Variants in CTBP2 observed in about 807,000 individuals in gnomAD.
The protein encoded by CTBP2 is C-terminal binding protein 2, also known as C-terminal-binding protein 2.
A neutral mutation model predicts 80.3 loss-of-function variants in CTBP2; 30 were observed. The observed-to-expected ratio is 0.37, with a 90% CI of 0.28 to 0.51. The LOEUF (loss-of-function observed/expected upper bound fraction) is 0.51. Among genes scored for constraint, CTBP2 ranks in the 20% least tolerant of loss-of-function variants. The pLI is 0.93. For missense variants in CTBP2, 1,212 were observed against 1,375.3 expected, an observed-to-expected ratio of 0.88 and a Z score of 1.88; for synonymous variants, 594 against 587.4, an observed-to-expected ratio of 1.01 and a Z score of -0.16.
At chr10:124,996,190 G>A (rs1007526324) in intron 4 of CTBP2, 9 of 149,692 alleles carry the variant, frequency 6.0e-5, no homozygotes, top group African/African-American at 2.0e-4. Flanking sequence ...CCGTCACAGC[G>A]CCCCCCCCGG....
At chr10:125,074,512 A>G in intron 2 of CTBP2, among the ~76,000 whole-genome samples, 1 of 152,002 alleles carries the variant, frequency 6.6e-6, no homozygotes, top group East Asian at 1.9e-4. Context: ...CCGCCATCAC[A>G]CCCAGCAATT....
At chr10:125,140,906 G>A (rs1003454322) in intron 1 of CTBP2, among the ~76,000 whole-genome samples, 5 of 151,630 alleles carry the variant, frequency 3.3e-5, no homozygotes, top group Admixed American at 2.6e-4. Flanking sequence ...TTGGGAGGCC[G>A]AGACAGGCAG....
intron 3 of CTBP2, among the ~76,000 whole-genome samples, chr10:125,037,080 T>C (rs1005260956): frequency 5.3e-5 from 8 of 152,238 alleles, no homozygotes; most frequent in Non-Finnish European, 1.2e-4. Context: ...AATATATAAC[T>C]GCAAATGTAT....
chr10:125,036,595 C>CT (rs923183815), intron 3 of CTBP2, among the ~76,000 whole-genome samples: 1 of 151,994 alleles, frequency 6.6e-6, no homozygotes, highest in Non-Finnish European at 1.5e-5. Context: ...GACAGGCTCT[C>CT]TGCATATCAA....
chr10:125,016,385 C>G lies in CTBP2; in HGVS notation c.1678+9697G>C, dbSNP rs1183820591. On this transcript the variant is annotated intron_variant, in intron 1 of 8. Transcript: ENST00000309035. Reference sequence around the variant, plus strand: ...GGCCGCCCTGGCTGCTGGCTTGTCCCTTGGAATCAGATGGACCAATTCCAC... The same window carrying G: ...GGCCGCCCTGGCTGCTGGCTTGTCCGTTGGAATCAGATGGACCAATTCCAC... Among the ~76,000 whole-genome samples, 3 of 152,248 alleles carry G rather than the reference C, an allele frequency of 2.0e-5. No individual in the cohort carries two copies. The East Asian group carries it at 5.8e-4, about 29-fold the overall frequency.
rs1463977029 is a variant in CTBP2, at chr10:124,998,023, C to T, written c.2126G>A (p.Arg709His). 1 of 1,613,324 alleles carries T rather than the reference C, an allele frequency of 6.2e-7. No individual in the cohort carries two copies. The highest frequency in any genetic ancestry group is 8.5e-7 in the Non-Finnish European group (1 of 1,180,006). The change falls in exon 4 of 9, where the codon CGC (arginine) becomes CAC (histidine). Residue 709 changes from arginine to histidine, a missense_variant. Physicochemically the swap from Arg to His is conservative, Grantham distance 29. Coordinates refer to ENST00000309035, the MANE Select transcript of CTBP2 (RefSeq NM_022802.3). Reference sequence around the variant, plus strand: ...GCGGGCCGCTCCCGAGGCCACCTCGCGGATCTGCTCCACGCTCTGAACCCG... The same window carrying T: ...GCGGGCCGCTCCCGAGGCCACCTCGTGGATCTGCTCCACGCTCTGAACCCG...
intron 1 of CTBP2, among the ~76,000 whole-genome samples, chr10:125,113,348 C>T (rs898248460): frequency 1.3e-5 from 2 of 152,250 alleles, no homozygotes; most frequent in Non-Finnish European, 2.9e-5. Context: ...CTCTAGCTGG[C>T]AGGCTACTAT....
At chr10:125,088,219 T>G (rs952298546) in intron 2 of CTBP2, 1 of 152,200 alleles carries the variant, frequency 6.6e-6, no homozygotes, top group Non-Finnish European at 1.5e-5. Context: ...TACGATGTCA[T>G]TCAAGAAGCT....
intron 3 of CTBP2, among the ~76,000 whole-genome samples, chr10:125,037,067 TAAAATATATA>T (rs1303750612): frequency 6.6e-6 from 1 of 152,200 alleles, no homozygotes; most frequent in Non-Finnish European, 1.5e-5. Context: ...TTGAGAAATT[TAAAATATATA>T]ACTGCAAATG....
chr10:124,992,369 A>T (rs1297302378), intron 8 of CTBP2, among the ~76,000 whole-genome samples: 1 of 151,944 alleles, frequency 6.6e-6, no homozygotes, highest in Non-Finnish European at 1.5e-5. Flanking sequence ...CTAGCAGCTG[A>T]GACTGCAGGT....
At chr10:125,022,855 A>G (rs1474247159) in intron 1 of CTBP2, among the ~76,000 whole-genome samples, 1 of 152,222 alleles carries the variant, frequency 6.6e-6, no homozygotes, top group African/African-American at 2.4e-5. Flanking sequence ...GACAGACCTC[A>G]AGGTGCAGAG....
chr10:124,993,123 T>G, intron 7 of CTBP2, 79 bp downstream of exon 9: 1 of 1,517,176 alleles, frequency 6.6e-7, no homozygotes, highest in Non-Finnish European at 8.9e-7. Context: ...GAGAGCTGCC[T>G]GTAGCCAGCA....
At chr10:125,084,435 CCT>C (rs1847665826) in intron 2 of CTBP2, among the ~76,000 whole-genome samples, 1 of 152,172 alleles carries the variant, frequency 6.6e-6, no homozygotes, top group Non-Finnish European at 1.5e-5. Context: ...GCTCTGGAGG[CCT>C]CTGTGCCTAC....
rs1415315278 is a variant in CTBP2 at position 125,061,348 on chromosome 10, C to T, written c.-101-22193G>A. 2.0e-5 allele frequency among the ~76,000 whole-genome samples: 3 copies of T among 152,298 alleles called. No homozygotes were observed. In the South Asian group the frequency reaches 6.2e-4, roughly 32 times the overall value. The stretch of plus-strand genomic sequence containing the variant: ...CAGGGGAAAGCTCTCGCTGGGCATC[C>T]GGGGCGACACCCACACTTCCCTTGA... On this transcript the variant is annotated intron_variant, in intron 2 of 10. Coordinates refer to the CTBP2 transcript ENST00000337195.
intron 4 of CTBP2, among the ~76,000 whole-genome samples, chr10:124,995,004 T>TC (rs1420707138): frequency 1.3e-5 from 2 of 152,190 alleles, no homozygotes; most frequent in African/African-American, 4.8e-5. Flanking sequence ...CACATGCCCC[T>TC]CCCATCACCA....
chr10:125,097,688 C>A (rs11245501), intron 2 of CTBP2, among the ~76,000 whole-genome samples: 1 of 151,018 alleles, frequency 6.6e-6, no homozygotes, highest in Non-Finnish European at 1.5e-5. Flanking sequence ...AGCATGCACA[C>A]GTGTGAGCAT....
At chr10:125,151,928 G>A (rs1225528204) in intron 1 of CTBP2, among the ~76,000 whole-genome samples, 1 of 152,192 alleles carries the variant, frequency 6.6e-6, no homozygotes, top group East Asian at 1.9e-4. Context: ...GGGGGGAGGG[G>A]GCAGGGCCCA....
At chr10:125,039,226 C>G in intron 2 of CTBP2, 71 bp from the exon 3 acceptor site, 1 of 554,364 alleles carries the variant, frequency 1.8e-6, no homozygotes, top group South Asian at 2.5e-5. Context: ...TCACTGGGGA[C>G]TTAACTGCTA....
chr10:124,991,925 T>G (rs561893514), intron 8 of CTBP2, among the ~76,000 whole-genome samples: 2 of 147,958 alleles, frequency 1.4e-5, no homozygotes, highest in Non-Finnish European at 3.0e-5. Context: ...AACCGATTCG[T>G]GCATGGAAAA....
Sources: allele counts gnomAD v4.1 joint callset (sites outside exome capture counted in the v4.1 genomes callset), GRCh38; gene constraint gnomAD v4.1.1; transcripts MANE v1.5; gene names NCBI Gene and HGNC (gene_info 2026-07-23, HGNC 2026-07-21).